KCTD8: variants seen among roughly 807,000 people sequenced by gnomAD.
The protein encoded by KCTD8 is potassium channel tetramerization domain containing 8, also known as BTB/POZ domain-containing protein KCTD8.
In KCTD8, 27 loss-of-function variants were observed where a neutral mutation model predicts 31.5. That is an observed-to-expected ratio of 0.86 (90% confidence interval 0.63 to 1.18). The LOEUF is 1.18. KCTD8 is among the 50% of genes most tolerant of loss of function. KCTD8 has a pLI of 0.00. For synonymous variants in KCTD8, 290 were observed against 280.0 expected (o/e 1.04, Z -0.36); for missense variants, 658 against 647.7 (o/e 1.02, Z -0.17).
intron 1 of KCTD8, among the ~76,000 whole-genome samples, chr4:44,415,903 G>C (rs1721069896): frequency 6.6e-6 from 1 of 152,230 alleles, no homozygotes; most frequent in African/African-American, 2.4e-5. Flanking sequence ...CCAGGGGACT[G>C]TCAGGTGGAG....
At chr4:44,244,534 G>A (rs1441254001) in intron 1 of KCTD8, among the ~76,000 whole-genome samples, 1 of 152,072 alleles carries the variant, frequency 6.6e-6, no homozygotes, top group Non-Finnish European at 1.5e-5. Context: ...CCCCAAGGTG[G>A]TTCATGGAAA....
At chr4:44,340,017 C>T (rs78435149) in intron 1 of KCTD8, among the ~76,000 whole-genome samples, 4,422 of 151,990 alleles carry the variant, frequency 0.029, 234 homozygotes, top group African/African-American at 0.1. Context: ...GGTCAATAAG[C>T]ACATAAAAAG....
chr4:44,268,692 A>G (rs1716472111), intron 1 of KCTD8, among the ~76,000 whole-genome samples: 3 of 152,222 alleles, frequency 2.0e-5, no homozygotes, highest in Admixed American at 2.0e-4. Flanking sequence ...CAACTTCAGC[A>G]AAGTCTCAGG....
chr4:44,370,659 A>G (rs2109435924), intron 1 of KCTD8, among the ~76,000 whole-genome samples: 1 of 152,344 alleles, frequency 6.6e-6, no homozygotes, highest in South Asian at 2.1e-4. Context: ...TCAATGCATC[A>G]GTCTGGTTTT....
chr4:44,397,394 T>A (rs1023177223), intron 1 of KCTD8, among the ~76,000 whole-genome samples: 24 of 152,164 alleles, frequency 1.6e-4, no homozygotes, highest in African/African-American at 5.8e-4. Context: ...TTCATATATA[T>A]GTAGATATAG....
chr4:44,277,045 T>G (rs575277422), intron 1 of KCTD8, among the ~76,000 whole-genome samples: 1 of 152,004 alleles, frequency 6.6e-6, no homozygotes, highest in African/African-American at 2.4e-5. Context: ...TTTAATTGGA[T>G]TATTCTGAAA....
intron 1 of KCTD8, among the ~76,000 whole-genome samples, chr4:44,356,846 C>G (rs1280114262): frequency 6.6e-6 from 1 of 152,162 alleles, no homozygotes; most frequent in East Asian, 1.9e-4. Context: ...GTCTCAGACA[C>G]CTGCTGTCCA....
At chr4:44,438,789 G>A (rs1256670827) in intron 1 of KCTD8, among the ~76,000 whole-genome samples, 1 of 152,176 alleles carries the variant, frequency 6.6e-6, no homozygotes, top group African/African-American at 2.4e-5. Flanking sequence ...ATGCATTATT[G>A]TGAGGCCCTT....
intron 1 of KCTD8, among the ~76,000 whole-genome samples, chr4:44,326,765 C>A (rs1402686444): frequency 6.6e-6 from 1 of 151,674 alleles, no homozygotes; most frequent in Non-Finnish European, 1.5e-5. Context: ...ATATCCATGA[C>A]TAATACTCCA....
intron 1 of KCTD8, among the ~76,000 whole-genome samples, chr4:44,344,485 T>G (rs901749994): frequency 6.6e-6 from 1 of 152,184 alleles, no homozygotes; most frequent in East Asian, 1.9e-4. Context: ...GTGCCGGGTA[T>G]GTACTTAACA....
At chr4:44,175,858 T>C (rs1713198740) in intron 1 of KCTD8, among the ~76,000 whole-genome samples, 1 of 152,214 alleles carries the variant, frequency 6.6e-6, no homozygotes, top group Non-Finnish European at 1.5e-5. Flanking sequence ...GTGAAAGTGC[T>C]ATAAGATATA....
At position 44,262,780 on chromosome 4, in the gene KCTD8, C is replaced by T. The variant is rs111444800; in HGVS notation, c.962-87530G>A. ...TGGGATGCCTTGTTACTAAAGATAG[C>T]TGCACACAGGTAGAATAATGAAACA... is the stretch of plus-strand genomic sequence containing the variant. On this transcript the variant is annotated intron_variant, in intron 1 of 1. Transcript: ENST00000360029. Among the ~76,000 whole-genome samples, 1,266 of 152,188 alleles carry T rather than the reference C, an allele frequency of 8.3e-3. 22 individuals are homozygous for T. The highest frequency in any genetic ancestry group is 0.029 in the African/African-American group (1,206 of 41,548).
intron 1 of KCTD8, among the ~76,000 whole-genome samples, chr4:44,357,346 C>T (rs1218933688): frequency 1.3e-5 from 2 of 152,134 alleles, no homozygotes; most frequent in African/African-American, 2.4e-5. Flanking sequence ...CGTTACCAAA[C>T]CACTGGCATC....
intron 1 of KCTD8, among the ~76,000 whole-genome samples, chr4:44,217,698 T>A (rs529263318): frequency 2.0e-5 from 3 of 152,316 alleles, no homozygotes; most frequent in Non-Finnish European, 4.4e-5. Context: ...TAAGCTAGCT[T>A]GCTGAGTCTT....
intron 1 of KCTD8, among the ~76,000 whole-genome samples, chr4:44,238,188 A>C (rs1328118681): frequency 6.6e-6 from 1 of 151,844 alleles, no homozygotes; most frequent in Non-Finnish European, 1.5e-5. Flanking sequence ...CTACTTGCAA[A>C]GTTCTCCCCG....
At chr4:44,249,036 T>C (rs1274504262) in intron 1 of KCTD8, among the ~76,000 whole-genome samples, 4 of 151,718 alleles carry the variant, frequency 2.6e-5, no homozygotes, top group Non-Finnish European at 5.9e-5. Context: ...ACTATGAAAA[T>C]ATCACCTACT....
intron 1 of KCTD8, among the ~76,000 whole-genome samples, chr4:44,231,756 G>A (rs568316994): frequency 6.6e-6 from 1 of 151,932 alleles, no homozygotes; most frequent in African/African-American, 2.4e-5. Flanking sequence ...AATTTTTCTG[G>A]AATGAGTAAA....
intron 1 of KCTD8, among the ~76,000 whole-genome samples, chr4:44,326,450 A>G (rs1424479137): frequency 6.6e-6 from 1 of 151,844 alleles, no homozygotes; most frequent in East Asian, 1.9e-4. Flanking sequence ...AGCCCACAGT[A>G]TAATAAAATC....
chr4:44,245,491 T>G (rs2109358968), intron 1 of KCTD8, among the ~76,000 whole-genome samples: 1 of 152,212 alleles, frequency 6.6e-6, no homozygotes, highest in East Asian at 1.9e-4. Flanking sequence ...TAGATTCTTT[T>G]ATGTGTTTTT....
Sources: gnomAD v4.1 joint callset for allele counts (sites outside exome capture counted in the v4.1 genomes callset) on GRCh38, gnomAD v4.1.1 for gene constraint, MANE v1.5 for transcripts, NCBI Gene and HGNC (gene_info 2026-07-23, HGNC 2026-07-21) for gene names.